Variants in DDX31 observed in about 807,000 individuals in gnomAD.
DDX31 encodes the protein ATP-dependent DNA helicase DDX31.
In DDX31, 70 loss-of-function variants were observed where a neutral mutation model predicts 91.3. The ratio of observed to expected loss-of-function variants is 0.77; its 90% confidence interval spans 0.63 to 0.94. The LOEUF (loss-of-function observed/expected upper bound fraction) is 0.94, where lower values mean the gene tolerates loss of function less well. DDX31 is among the 40% of genes least tolerant of loss of function. The pLI is 0.00. For synonymous variants in DDX31, 362 were observed against 350.6 expected, an observed-to-expected ratio of 1.03 and a Z score of -0.36; for missense variants, 902 against 925.0, an observed-to-expected ratio of 0.98 and a Z score of 0.32.
intron 16 of DDX31, among the ~76,000 whole-genome samples, chr9:132,627,867 C>T (rs921530593): frequency 3.3e-5 from 5 of 152,236 alleles, no homozygotes; most frequent in African/African-American, 1.2e-4. Flanking sequence ...TCAGCCCTCC[C>T]AACGCCCCTC....
intron 1 of DDX31, among the ~76,000 whole-genome samples, chr9:132,667,955 T>C (rs574855452): frequency 6.2e-4 from 94 of 152,312 alleles, no homozygotes; most frequent in Non-Finnish European, 1.1e-3. Context: ...TCTCATTTTA[T>C]AGATAGGAAA....
chr9:132,634,953 T>C (rs2130696293), intron 14 of DDX31, among the ~76,000 whole-genome samples: 1 of 152,232 alleles, frequency 6.6e-6, no homozygotes, highest in South Asian at 2.1e-4. Context: ...TAGACTTCCT[T>C]AGTTTGGAAC....
chr9:132,598,577 A>G (rs933382547), intron 19 of DDX31, among the ~76,000 whole-genome samples: 1 of 152,246 alleles, frequency 6.6e-6, no homozygotes, highest in Non-Finnish European at 1.5e-5. Context: ...TAGTAAATCA[A>G]TATACCCCGT....
intron 6 of DDX31, among the ~76,000 whole-genome samples, chr9:132,656,484 A>G (rs1216734945): frequency 6.6e-6 from 1 of 152,216 alleles, no homozygotes; most frequent in East Asian, 1.9e-4. Context: ...GTCACCATGC[A>G]CTGCCCGTCG....
rs578034312 is a variant in DDX31 at position 132,598,864 on chromosome 9, A to G, written c.1995-3752T>C. The stretch of plus-strand genomic sequence containing the variant: ...TTTCATCTAGCTTGCTACTGCTTTA[A>G]TTCCATCTAAGTTTTATTTTGATTA... On this transcript the variant is annotated intron_variant, in intron 19 of 19. Coordinates refer to ENST00000372159, the MANE Select transcript of DDX31 (RefSeq NM_022779.9). 7.4e-4 allele frequency among the ~76,000 whole-genome samples: 113 copies of G among 152,356 alleles called. 1 individual carries two copies. The highest frequency in any genetic ancestry group is 3.4e-3 in the Middle Eastern group (1 of 294).
chr9:132,652,772 A>C (rs561456637), intron 6 of DDX31, among the ~76,000 whole-genome samples: 2 of 152,286 alleles, frequency 1.3e-5, no homozygotes, highest in South Asian at 4.2e-4. Flanking sequence ...CGTGATAATG[A>C]ATAAGTCTCA....
intron 7 of DDX31, 56 bp from the exon 8 acceptor site, chr9:132,651,172 TA>T (rs1834163842): frequency 3.8e-5 from 50 of 1,328,158 alleles, no homozygotes; most frequent in African/African-American, 1.3e-4. Context: ...TTTTTTTTTT[TA>T]AAGACAATTT....
chr9:132,610,656 C>T (rs1322618370), intron 19 of DDX31, among the ~76,000 whole-genome samples: 1 of 151,522 alleles, frequency 6.6e-6, no homozygotes, highest in African/African-American at 2.4e-5. Flanking sequence ...TCTGTAGAGA[C>T]AGGGTCTCGC....
intron 13 of DDX31, among the ~76,000 whole-genome samples, chr9:132,642,877 G>A (rs959977428): frequency 2.6e-5 from 4 of 151,328 alleles, no homozygotes; most frequent in African/African-American, 9.7e-5. Flanking sequence ...TGTCACCCAG[G>A]CTCACTGCAC....
chr9:132,652,571 C>T (rs1207928722), intron 6 of DDX31, 79 bp from the exon 7 acceptor site: 12 of 1,555,330 alleles, frequency 7.7e-6, no homozygotes, highest in South Asian at 2.3e-5. Flanking sequence ...CAGGGGTGGC[C>T]GGTTGTAGAA....
intron 14 of DDX31, among the ~76,000 whole-genome samples, 162 bp from the exon 15 acceptor site, chr9:132,632,253 C>CACACACACACACGT (rs1564305668): frequency 9.6e-6 from 1 of 103,650 alleles, no homozygotes; most frequent in African/African-American, 6.5e-5. Context: ...CACACACACA[C>CACACACACACACGT]ACACACACAC....
chr9:132,618,217 G>C (rs982200489), intron 18 of DDX31, 113 bp downstream of exon 18: 18 of 770,302 alleles, frequency 2.3e-5, no homozygotes, highest in Admixed American at 3.1e-5. Flanking sequence ...TTTGGCTGGT[G>C]AGCAGGGACC....
rs1185527545 is a variant in DDX31, at chr9:132,630,354, G to T, written c.1541C>A (p.Thr514Asn). The change falls in exon 16 of 20, where the codon ACC (threonine) becomes AAC (asparagine). Residue 514 changes from threonine to asparagine, a missense_variant. Thr to Asn is a moderately conservative substitution (Grantham distance 65, BLOSUM62 0). Coordinates refer to ENST00000372159, the MANE Select transcript of DDX31 (RefSeq NM_022779.9). ...GCTCCCATGGCAGCCAATCCGGGCG[G>T]TTCTTCCAATCCGGTGGATGTATTC... ...PAEYIHRIGR[T>N]ARIGCHGSSL... is the part of the protein sequence containing the mutation. 1 of 1,604,688 alleles carries T rather than the reference G, an allele frequency of 6.2e-7. No homozygotes were observed. Among genetic ancestry groups the T allele is most frequent in the South Asian group, 1.1e-5 (1 of 90,452 alleles).
At chr9:132,611,171 A>C (rs1335794583) in intron 19 of DDX31, among the ~76,000 whole-genome samples, 1 of 152,170 alleles carries the variant, frequency 6.6e-6, no homozygotes, top group Non-Finnish European at 1.5e-5. Flanking sequence ...GGCGTTTGTA[A>C]ATTAACGTGG....
At chr9:132,597,996 A>G (rs1373815913) in intron 19 of DDX31, among the ~76,000 whole-genome samples, 1 of 152,106 alleles carries the variant, frequency 6.6e-6, no homozygotes, top group Non-Finnish European at 1.5e-5. Context: ...CATGTTAGTC[A>G]ATGTCCTTTT....
intron 14 of DDX31, 83 bp downstream of exon 14, chr9:132,641,921 G>A: frequency 1.4e-6 from 2 of 1,468,412 alleles, no homozygotes; most frequent in South Asian, 1.1e-5. Context: ...ACTGACCACA[G>A]GACAAACTGT....
chr9:132,627,436 T>C (rs1832464850), intron 16 of DDX31, among the ~76,000 whole-genome samples: 1 of 152,208 alleles, frequency 6.6e-6, no homozygotes, highest in African/African-American at 2.4e-5. Context: ...AAATCTACTA[T>C]GATTATTTAT....
chr9:132,665,315 A>G (rs1178446266), intron 1 of DDX31, among the ~76,000 whole-genome samples: 1 of 152,234 alleles, frequency 6.6e-6, no homozygotes, highest in Non-Finnish European at 1.5e-5. Context: ...TTCATTTAGC[A>G]GTTGTCAAGA....
chr9:132,635,336 T>C (rs1468216529), intron 14 of DDX31, among the ~76,000 whole-genome samples: 3 of 152,166 alleles, frequency 2.0e-5, no homozygotes, highest in Admixed American at 1.3e-4. Flanking sequence ...TACTGTTACC[T>C]TGATGACTCT....
Sources: allele counts gnomAD v4.1 joint callset (sites outside exome capture counted in the v4.1 genomes callset), GRCh38; gene constraint gnomAD v4.1.1; transcripts MANE v1.5; gene names NCBI Gene and HGNC (gene_info 2026-07-23, HGNC 2026-07-21).